BTG4: variants seen among roughly 807,000 people sequenced by gnomAD.
BTG4 encodes the protein BTG anti-proliferation factor 4.
BTG4 carries 10 observed loss-of-function variants against 19.3 expected under a neutral mutation model. The ratio of observed to expected loss-of-function variants is 0.52; its 90% CI spans 0.32 to 0.88. The LOEUF is 0.88. Ranked by LOEUF, BTG4 falls within the 40% of genes least tolerant of loss-of-function variation. The pLI is 0.04. For synonymous variants in BTG4, 91 were observed against 95.7 expected, an observed-to-expected ratio of 0.95 and a Z score of 0.29; for missense variants, 238 against 281.9, an observed-to-expected ratio of 0.84 and a Z score of 1.11.
the BTG4 span, chr11:111,400,962 A>G: frequency 6.6e-6 from 1 of 151,882 alleles, no homozygotes; most frequent in Non-Finnish European, 1.5e-5. Flanking sequence ...TCAAGGTCAT[A>G]AAAACAAGAC....
the BTG4 span, among the ~76,000 whole-genome samples, chr11:111,396,023 G>A: frequency 1.3e-5 from 2 of 152,224 alleles, no homozygotes; most frequent in South Asian, 2.1e-4. Flanking sequence ...TTGCAGGACA[G>A]TTTCAGTCCC....
chr11:111,443,504 T>C, the BTG4 span, among the ~76,000 whole-genome samples: 1 of 152,132 alleles, frequency 6.6e-6, no homozygotes, highest in African/African-American at 2.4e-5. Flanking sequence ...AATTTTTCTG[T>C]AAATCTAAAA....
At chr11:111,481,734 T>C (rs1268325161) in intron 5 of BTG4, among the ~76,000 whole-genome samples, 2 of 151,918 alleles carry the variant, frequency 1.3e-5, no homozygotes, top group Non-Finnish European at 2.9e-5. Context: ...TATATGATTA[T>C]ATAAATGGAT....
the BTG4 span, among the ~76,000 whole-genome samples, chr11:111,420,688 A>G: frequency 1.3e-5 from 2 of 152,234 alleles, no homozygotes; most frequent in Non-Finnish European, 2.9e-5. Flanking sequence ...TGCCAGAGGG[A>G]TTGCAGTAGC....
the BTG4 span, among the ~76,000 whole-genome samples, chr11:111,424,409 T>G: frequency 6.6e-6 from 1 of 152,272 alleles, no homozygotes; most frequent in Non-Finnish European, 1.5e-5. Flanking sequence ...GCGAAAATGC[T>G]GGGCGTCCTG....
chr11:111,401,290 T>C, the BTG4 span, among the ~76,000 whole-genome samples: 1 of 151,800 alleles, frequency 6.6e-6, no homozygotes, highest in African/African-American at 2.4e-5. Context: ...ATCGAGACCA[T>C]CCTGTGAATG....
At chr11:111,401,308 C>G in the BTG4 span, among the ~76,000 whole-genome samples, 1 of 148,644 alleles carries the variant, frequency 6.7e-6, no homozygotes, top group South Asian at 2.2e-4. Context: ...ATGGTGAAAA[C>G]CCGTCTCTAC....
At chr11:111,445,887 G>A in the BTG4 span, among the ~76,000 whole-genome samples, 8 of 152,154 alleles carry the variant, frequency 5.3e-5, no homozygotes, top group East Asian at 3.9e-4. Context: ...TACTACTCTC[G>A]CCAGTTGGAG....
chr11:111,456,091 A>C, the BTG4 span, among the ~76,000 whole-genome samples: 1 of 152,238 alleles, frequency 6.6e-6, no homozygotes, highest in Non-Finnish European at 1.5e-5. The surrounding 1 kb of genome is among the most constrained non-coding windows in gnomAD (Gnocchi z 4.2). Context: ...AGTGGGAAGA[A>C]CCAAGGAAGA....
chr11:111,421,468 G>A, the BTG4 span, among the ~76,000 whole-genome samples: 5 of 152,214 alleles, frequency 3.3e-5, no homozygotes, highest in Admixed American at 3.3e-4. Flanking sequence ...AGGTTTGCAC[G>A]TGTGTTTCCC....
rs547972241 is a variant in BTG4, at chr11:111,471,803, C to T, written c.663-4122G>A. On this transcript the variant is annotated intron_variant, in intron 5 of 5. Coordinates refer to the BTG4 transcript ENST00000356018. ...TGTTTCAAACTCAACATGTCCAAAA[C>T]GCAATTTTTAATTTCTTTCCAAACC... Among the ~76,000 whole-genome samples the T allele has an allele frequency of 1.3e-4, 20 of 152,316 alleles. 1 individual carries two copies. The highest frequency in any genetic ancestry group is 7.8e-4 in the Admixed American group (12 of 15,306).
chr11:111,491,540 G>C (rs898930643), downstream of BTG4, among the ~76,000 whole-genome samples: 1 of 152,022 alleles, frequency 6.6e-6, no homozygotes. Context: ...TTGAGCTCAG[G>C]AGTTCAAGGC....
intron 5 of BTG4, among the ~76,000 whole-genome samples, chr11:111,470,564 C>T (rs7949444): frequency 0.52 from 78,791 of 151,914 alleles, 21,005 homozygotes; most frequent in Admixed American, 0.62. Context: ...GCATGTTTAC[C>T]CAAACTTATG....
chr11:111,405,404 C>CAAAAAAAAAAAAAAAAAAAAAAA, the BTG4 span, among the ~76,000 whole-genome samples: 12 of 53,040 alleles, frequency 2.3e-4, no homozygotes, highest in African/African-American at 7.8e-4. Flanking sequence ...GACTCCGTCT[C>CAAAAAAAAAAAAAAAAAAAAAAA]AAAAAAAAAA....
At chr11:111,415,776 C>T in the BTG4 span, 1 of 152,440 alleles carries the variant, frequency 6.6e-6, no homozygotes, top group African/African-American at 2.4e-5. Context: ...TGCAGTGGCT[C>T]ATGCCTGTAA....
the BTG4 span, among the ~76,000 whole-genome samples, chr11:111,413,893 A>G: frequency 7.9e-5 from 12 of 152,322 alleles, no homozygotes; most frequent in East Asian, 2.3e-3. Context: ...ATCCATCCAG[A>G]AAACAAGTCC....
At chr11:111,437,805 G>A in the BTG4 span, among the ~76,000 whole-genome samples, 175 of 152,202 alleles carry the variant, frequency 1.1e-3, 2 homozygotes, top group African/African-American at 4.0e-3. Context: ...CCAGTTTCTC[G>A]TGTTGATAGC....
At chr11:111,401,614 T>C in the BTG4 span, among the ~76,000 whole-genome samples, 1 of 152,180 alleles carries the variant, frequency 6.6e-6, no homozygotes. Flanking sequence ...AGATTGTACA[T>C]AGGGTGGGCA....
chr11:111,487,858 T>C (rs1407516862), intron 5 of BTG4, among the ~76,000 whole-genome samples: 1 of 152,126 alleles, frequency 6.6e-6, no homozygotes, highest in African/African-American at 2.4e-5. Flanking sequence ...TACTCCCATT[T>C]ACAATAGCTA....
Sources: gnomAD v4.1 joint callset for allele counts (sites outside exome capture counted in the v4.1 genomes callset) on GRCh38, gnomAD v4.1.1 for gene constraint, Gnocchi (gnomAD v3.1) non-coding constraint, MANE v1.5 for transcripts, NCBI Gene and HGNC (gene_info 2026-07-23, HGNC 2026-07-21) for gene names.